Variants in IQCE observed in about 807,000 individuals in gnomAD.
IQCE encodes the protein IQ motif containing E, also known as IQ domain-containing protein E.
IQCE carries 115 observed loss-of-function variants against 96.0 expected under a neutral mutation model. The ratio of observed to expected loss-of-function variants is 1.20; its 90% confidence interval spans 1.03 to 1.40. IQCE has a LOEUF of 1.40. Ranked by LOEUF, IQCE falls within the 40% of genes most tolerant of loss-of-function variation. The pLI is 0.00. For missense variants in IQCE, 1,041 were observed against 909.1 expected (o/e 1.15, Z -1.87); for synonymous variants, 412 against 371.2 (o/e 1.11, Z -1.26).
In IQCE at chr7:2,579,852, G is replaced by C. The variant is rs574984610; in HGVS notation, c.630+1326G>C. 2.7e-3 allele frequency among the ~76,000 whole-genome samples: 410 copies of C among 151,916 alleles called. 1 individual carries two copies. The highest frequency in any genetic ancestry group is 9.2e-3 in the African/African-American group (380 of 41,504). The stretch of plus-strand genomic sequence containing the variant: ...TTCAGCTCACGTGATCCCTGGCTTA[G>C]GGGATACTCCCACCTCAACCTCCTG... On this transcript the variant is annotated intron_variant, in intron 8 of 21. Transcript: ENST00000402050.
intron 1 of IQCE, among the ~76,000 whole-genome samples, chr7:2,566,073 A>C (rs1781349673): frequency 6.6e-6 from 1 of 152,182 alleles, no homozygotes. Flanking sequence ...GCGTGGACTC[A>C]GCTATACCAG....
rs377310001 is a variant in IQCE at position 2,587,812 on chromosome 7, C to A, written c.989-10C>A. 18 of 1,613,972 alleles carry A rather than the reference C, an allele frequency of 1.1e-5. No homozygotes were observed. The highest frequency in any genetic ancestry group is 1.7e-5 in the Admixed American group (1 of 60,020). ...AGGATGCCGTTTTGAAACCGCATTGCTTCCATCAGGTTATGTGGAGTGGAG... is the reference window on the plus strand; with the variant it reads ...AGGATGCCGTTTTGAAACCGCATTGATTCCATCAGGTTATGTGGAGTGGAG... On this transcript the variant is annotated splice_polypyrimidine_tract_variant and intron_variant, in intron 12 of 21. Transcript: ENST00000402050.
intron 8 of IQCE, chr7:2,581,944 C>A (rs1782699488): frequency 5.1e-6 from 2 of 388,532 alleles, no homozygotes; most frequent in African/African-American, 4.2e-5. Flanking sequence ...GATCTCCTGA[C>A]CCCATGATCC....
rs550191748 is a variant in IQCE at position 2,583,729 on chromosome 7, G to T, written c.774+20G>T. On this transcript the variant is annotated intron_variant, in intron 10 of 21. Transcript: ENST00000402050. Reference sequence around the variant, plus strand: ...GAGGAGGTGCGCCGTGCTGGGCGGCGGAGCGGAGGGCGGGCACCGAGCTGG... The same window carrying T: ...GAGGAGGTGCGCCGTGCTGGGCGGCTGAGCGGAGGGCGGGCACCGAGCTGG... 1.5e-6 allele frequency: 2 copies of T among 1,363,552 alleles called. No homozygotes were observed. The highest frequency in any genetic ancestry group is 2.0e-5 in the Admixed American group (1 of 49,822). The allele number at this position is 1,363,552 out of a possible 1,614,324, so 84.5% of individuals were successfully genotyped here.
rs574219744 is a variant in IQCE at position 2,582,468 on chromosome 7, G to A, written c.631-112G>A. On this transcript the variant is annotated intron_variant, in intron 8 of 21. Transcript: ENST00000402050. ...CCCGTAGTCTAGAAGAGAGCACAGC[G>A]CTGGAGGGAGGAAGGACAGTGAGGT... 40 of 855,866 alleles carry A rather than the reference G, an allele frequency of 4.7e-5. No homozygotes were observed. In the Admixed American group the frequency reaches 5.8e-4, roughly 12 times the overall value. The allele number at this position is 855,866 out of a possible 1,614,324, so 53.0% of individuals were successfully genotyped here.
chr7:2,582,152 T>C (rs777036977), intron 8 of IQCE: 15 of 444,878 alleles, frequency 3.4e-5, no homozygotes, highest in Non-Finnish European at 5.5e-5. Context: ...ACGGCCGCGC[T>C]GTCTCCCACC....
At chr7:2,603,260 C>T (rs762771468) in intron 18 of IQCE, among the ~76,000 whole-genome samples, 1 of 152,228 alleles carries the variant, frequency 6.6e-6, no homozygotes, top group Non-Finnish European at 1.5e-5. Flanking sequence ...GTTCCTAGCA[C>T]ACGCCCCTGC....
chr7:2,604,836 G>C (rs749451262), intron 18 of IQCE, 45 bp from the exon 19 acceptor site: 2 of 1,464,240 alleles, frequency 1.4e-6, no homozygotes, highest in African/African-American at 2.8e-5. Flanking sequence ...CCGTTGCCCC[G>C]GGCACTCACA....
chr7:2,604,845 C>G (rs756754740), intron 18 of IQCE, 36 bp from the exon 19 acceptor site: 1 of 1,548,392 alleles, frequency 6.5e-7, no homozygotes. Context: ...CGGGCACTCA[C>G]ACCCACTTTT....
Position 2,568,966 on chromosome 7 carries a change from A to T in IQCE, c.97A>T (p.Lys33Ter). 6.2e-7 allele frequency: 1 copy of T among 1,613,620 alleles called. No individual in the cohort carries two copies. The highest frequency in any genetic ancestry group is 1.1e-5 in the South Asian group (1 of 91,080). Residue 33 changes from lysine (K) to a stop codon, truncating the protein, a stop_gained, in exon 3 of 22, where the codon AAA (lysine) becomes TAA (stop). Transcript: ENST00000402050. LOFTEE classifies it high-confidence loss of function. ...TTCTTTCTTTCAGAAAGCAAAAAGG[A>T]AAGCTTTCCACAAACCTCCACCCAC... ...DSDVETKAKRKAFHKPPPTSP... is the reference protein window; with the variant it reads ...DSDVETKAKR
chr7:2,604,815 C>T (rs1784671835), intron 18 of IQCE, 66 bp from the exon 19 acceptor site: 1 of 1,153,670 alleles, frequency 8.7e-7, no homozygotes, highest in South Asian at 1.3e-5. Context: ...TCGGCGCCTC[C>T]CTCTCGCCCG....
chr7:2,559,537 A>AC lies in IQCE; in HGVS notation c.36+325dup, dbSNP rs1780761175. 1.6e-5 allele frequency: 3 copies of AC among 187,322 alleles called. No individual in the cohort carries two copies. The South Asian group carries it at 5.8e-4, about 37-fold the overall frequency. The allele number at this position is 187,322 out of a possible 1,614,324, so 11.6% of individuals were successfully genotyped here. On this transcript the variant is annotated intron_variant, in intron 1 of 21. Transcript: ENST00000402050. ...GCTCACGGTGTAAGTGCCTCCGGGCACCCCCGATCTAAGGCGGGATCCACG... is the reference window on the plus strand; with the variant it reads ...GCTCACGGTGTAAGTGCCTCCGGGCACCCCCCGATCTAAGGCGGGATCCACG...
chr7:2,581,835 G>A (rs961021698), intron 8 of IQCE, among the ~76,000 whole-genome samples: 5 of 150,700 alleles, frequency 3.3e-5, no homozygotes, highest in South Asian at 2.1e-4. Flanking sequence ...TCAGCCTCCC[G>A]AGTAGCTGGG....
chr7:2,596,207 C>T (rs1474606578), intron 16 of IQCE, among the ~76,000 whole-genome samples: 1 of 151,832 alleles, frequency 6.6e-6, no homozygotes, highest in African/African-American at 2.4e-5. Context: ...TGCAGAGAGC[C>T]AAGGTAGCAC....
intron 17 of IQCE, 146 bp from the exon 18 acceptor site, chr7:2,601,295 G>T: frequency 1.5e-6 from 1 of 658,552 alleles, no homozygotes; most frequent in East Asian, 2.8e-5. Context: ...TGTTTGCTGG[G>T]TCCCGGCAGC....
intron 6 of IQCE, among the ~76,000 whole-genome samples, chr7:2,574,490 G>A (rs1454990325): frequency 6.6e-6 from 1 of 152,232 alleles, no homozygotes; most frequent in Non-Finnish European, 1.5e-5. Context: ...GCGCTGCTGA[G>A]GAGCAAGTGC....
intron 19 of IQCE, among the ~76,000 whole-genome samples, chr7:2,605,209 T>G (rs924535501): frequency 6.6e-6 from 1 of 152,230 alleles, no homozygotes; most frequent in African/African-American, 2.4e-5. Context: ...AGGGCCAGAT[T>G]GCGTTAAGCT....
At chr7:2,578,689 C>T (rs1782410071) in intron 8 of IQCE, among the ~76,000 whole-genome samples, 163 bp downstream of exon 8, 1 of 152,066 alleles carries the variant, frequency 6.6e-6, no homozygotes, top group Non-Finnish European at 1.5e-5. Context: ...GGGGACACCA[C>T]GGGGAGGGGG....
Position 2,586,004 on chromosome 7 carries a change from A to G in IQCE, c.825-204A>G, listed in dbSNP as rs1012792375. On this transcript the variant is annotated intron_variant, in intron 11 of 21. Transcript: ENST00000402050. ...TTACACAGGTTTACCTTGCATAAGG[A>G]TGGGGTTCCATTTTGGGTGCTAACA... Among the ~76,000 whole-genome samples, 14 of 119,122 alleles carry G rather than the reference A, an allele frequency of 1.2e-4. No homozygotes were observed. The Admixed American group carries it at 1.2e-3, about 10-fold the overall frequency. 78.1% of individuals were successfully genotyped at this position (119,122 alleles called of 152,430 possible).
Sources: allele counts gnomAD v4.1 joint callset (sites outside exome capture counted in the v4.1 genomes callset), GRCh38; gene constraint gnomAD v4.1.1; transcripts MANE v1.5; gene names NCBI Gene and HGNC (gene_info 2026-07-23, HGNC 2026-07-21).